The following GNAI2 variants were observed in gnomAD, a reference collection of about 807,000 sequenced individuals.
GNAI2 encodes G protein subunit alpha i2, also known as guanine nucleotide-binding protein G(i) subunit alpha-2.
In GNAI2, 4 loss-of-function variants were observed where a neutral mutation model predicts 36.8. That is an observed-to-expected ratio of 0.11 (90% CI 0.05 to 0.25). GNAI2 has a LOEUF of 0.25. GNAI2 is among the 10% of genes least tolerant of loss of function. The pLI, the probability that GNAI2 is intolerant of heterozygous loss-of-function variation, is 1.00. For synonymous variants in GNAI2, 194 were observed against 194.1 expected (o/e 1.00, Z 0.01); for missense variants, 230 against 481.3 (o/e 0.48, Z 4.89).
At chr3:50,239,328 T>C (rs1157579831) in intron 1 of GNAI2, among the ~76,000 whole-genome samples, 1 of 152,206 alleles carries the variant, frequency 6.6e-6, no homozygotes, top group Non-Finnish European at 1.5e-5. Context: ...CCCTACTTGA[T>C]TGTTCTTTAA....
chr3:50,227,274 A>T (rs41305602), upstream of GNAI2: 10,228 of 735,334 alleles, frequency 0.014, 127 homozygotes, highest in Non-Finnish European at 0.014. The surrounding 1 kb of genome is among the most constrained non-coding windows in gnomAD (Gnocchi z 5.9). Flanking sequence ...GGTGCCACAG[A>T]GGGCTAGTTG....
chr3:50,236,545 A>G lies in GNAI2; in HGVS notation c.118+92A>G. On this transcript the variant is annotated intron_variant, in intron 1 of 8. Transcript: ENST00000313601. The surrounding 1 kb of genome is among the most constrained non-coding windows in gnomAD (Gnocchi z 4.0). ...TCCCAGACTAGGGCTTCAAACTCCC[A>G]GACCCGGGCTGTCTGGGACCCCACA... 6.8e-7 allele frequency: 1 copy of G among 1,481,340 alleles called. No homozygotes were observed. Among genetic ancestry groups the G allele is most frequent in the South Asian group, 1.3e-5 (1 of 74,612 alleles). 91.8% of individuals were successfully genotyped at this position (1,481,340 alleles called of 1,614,324 possible). A position where few individuals can be genotyped will look rare whatever the true frequency, so the allele number is the denominator to read the frequency against.
At chr3:50,234,826 T>G (rs1700131792), upstream of GNAI2, among the ~76,000 whole-genome samples, 1 of 152,138 alleles carries the variant, frequency 6.6e-6, no homozygotes, top group Admixed American at 6.5e-5. Context: ...CCTTCAAATG[T>G]CCAATCGAGG....
intron 4 of GNAI2, among the ~76,000 whole-genome samples, chr3:50,254,044 G>T (rs587736402): frequency 1.3e-5 from 2 of 152,192 alleles, no homozygotes; most frequent in South Asian, 4.1e-4. Context: ...TGACAGGTGT[G>T]TGTGTAGGTC....
chr3:50,231,359 A>C (rs587671676), upstream of GNAI2, among the ~76,000 whole-genome samples: 1 of 152,218 alleles, frequency 6.6e-6, no homozygotes, highest in South Asian at 2.1e-4. Flanking sequence ...GCTCACTGCA[A>C]CCTCTGCCTC....
At chr3:50,245,853 A>G (rs1393341303) in intron 1 of GNAI2, among the ~76,000 whole-genome samples, 1 of 152,252 alleles carries the variant, frequency 6.6e-6, no homozygotes, top group Non-Finnish European at 1.5e-5. Flanking sequence ...ACTTGGCAGT[A>G]GGAAGCCAGG....
chr3:50,236,407 G>T lies in GNAI2; in HGVS notation c.72G>T (p.Arg24=). The change falls in exon 1 of 9, where the codon CGG becomes CGT. Residue 24 remains arginine, a synonymous_variant. Transcript: ENST00000313601. This position sits in a 1 kb window ranked among gnomAD's most constrained non-coding sequence, Gnocchi z 4.0. ...CTAAGATGATCGACAAGAACCTGCG[G>T]GAGGACGGAGAGAAGGCGGCGCGGG... ...ERSKMIDKNL[R]EDGEKAAREV... 6.3e-7 allele frequency: 1 copy of T among 1,579,034 alleles called. No individual in the cohort carries two copies. The highest frequency in any genetic ancestry group is 1.4e-5 in the African/African-American group (1 of 71,714).
chr3:50,227,450 G>T (rs924077192), upstream of GNAI2: 2 of 326,746 alleles, frequency 6.1e-6, no homozygotes, highest in Non-Finnish European at 1.1e-5. The surrounding 1 kb of genome is among the most constrained non-coding windows in gnomAD (Gnocchi z 5.9). Context: ...GCTGGGGCGC[G>T]GGGAGGTGCT....
upstream of GNAI2, chr3:50,227,128 C>G: frequency 1.4e-6 from 2 of 1,416,604 alleles, no homozygotes; most frequent in East Asian, 5.9e-5. This position sits in a 1 kb window ranked among gnomAD's most constrained non-coding sequence, Gnocchi z 5.9. Context: ...CGTCTCATGA[C>G]GGAGGGTGTG....
chr3:50,236,635 A>T lies in GNAI2; in HGVS notation c.118+182A>T, dbSNP rs984171705. ...AGACCTTTGATCCTGCCCAGACTCT[A>T]GACCAGACCCCTGTCTCATCCCAGA... On this transcript the variant is annotated intron_variant, in intron 1 of 8. Transcript: ENST00000313601. This position sits in a 1 kb window ranked among gnomAD's most constrained non-coding sequence, Gnocchi z 4.0. 6.6e-6 allele frequency among the ~76,000 whole-genome samples: 1 copy of T among 152,028 alleles called. No homozygotes were observed. Among genetic ancestry groups the T allele is most frequent in the Non-Finnish European group, 1.5e-5 (1 of 67,994 alleles).
In GNAI2 at chr3:50,255,912, G is replaced by A. The variant is rs1370447308; in HGVS notation, c.465-280G>A. ...CTAAAAATACAAAAATTAGCTGGGCGGCAGGCGCCTGTAGTCCCAGCTACT... is the reference window on the plus strand; with the variant it reads ...CTAAAAATACAAAAATTAGCTGGGCAGCAGGCGCCTGTAGTCCCAGCTACT... On this transcript the variant is annotated intron_variant, in intron 4 of 8. Coordinates refer to ENST00000313601, the MANE Select transcript of GNAI2 (RefSeq NM_002070.4). The surrounding 1 kb of genome is among the most constrained non-coding windows in gnomAD (Gnocchi z 4.0). 2.0e-5 allele frequency among the ~76,000 whole-genome samples: 3 copies of A among 151,778 alleles called. No homozygotes were observed. Among genetic ancestry groups the A allele is most frequent in the Admixed American group, 1.3e-4 (2 of 15,250 alleles).
intron 1 of GNAI2, among the ~76,000 whole-genome samples, chr3:50,237,255 G>A (rs782236990): frequency 6.6e-6 from 1 of 152,250 alleles, no homozygotes; most frequent in Non-Finnish European, 1.5e-5. Context: ...GGGCTGGATT[G>A]AGGCTCCACT....
chr3:50,228,452 T>C (rs587748042), upstream of GNAI2, among the ~76,000 whole-genome samples: 340 of 150,174 alleles, frequency 2.3e-3, no homozygotes, highest in Non-Finnish European at 2.9e-3. Flanking sequence ...ACTCAGAGGC[T>C]GAGGCAGGGG....
At position 50,259,083 on chromosome 3, in the gene GNAI2, T is replaced by C; in HGVS notation, c.*740T>C. The C allele has an allele frequency of 2.7e-6, 1 of 370,950 alleles. No individual in the cohort carries two copies. The highest frequency in any genetic ancestry group is 5.2e-6 in the Non-Finnish European group (1 of 193,420). The allele number at this position is 370,950 out of a possible 1,614,324, so 23.0% of individuals were successfully genotyped here. ...TGCGAGCGGCACCCCTGCCCTGCCC[T>C]CCACAGAATTGGGTTCCAAGGGCTG... is the stretch of plus-strand genomic sequence containing the variant. On this transcript the variant is annotated 3_prime_UTR_variant, in exon 9 of 9. Transcript: ENST00000313601.
Position 50,253,209 on chromosome 3 carries a change from G to C in GNAI2, c.464+25G>C, listed in dbSNP as rs782711216. 6.3e-7 allele frequency: 1 copy of C among 1,583,434 alleles called. No individual in the cohort carries two copies. Among genetic ancestry groups the C allele is most frequent in the Admixed American group, 1.7e-5 (1 of 59,450 alleles). On this transcript the variant is annotated intron_variant, in intron 4 of 8. Transcript: ENST00000313601. The surrounding 1 kb of genome is among the most constrained non-coding windows in gnomAD (Gnocchi z 4.2). The stretch of plus-strand genomic sequence containing the variant: ...AGTGAGTGCTCTGAGGGGCTGGGCA[G>C]GGCAGGGCAGGGGCTGGGGGAGGAC...
intron 1 of GNAI2, among the ~76,000 whole-genome samples, chr3:50,250,684 C>T (rs1247665328): frequency 9.2e-5 from 14 of 152,168 alleles, no homozygotes; most frequent in African/African-American, 2.9e-4. Flanking sequence ...CTCCCTCTGG[C>T]CCCCAGCCAG....
chr3:50,243,606 T>C (rs1310099543), intron 1 of GNAI2, among the ~76,000 whole-genome samples: 1 of 152,262 alleles, frequency 6.6e-6, no homozygotes, highest in Non-Finnish European at 1.5e-5. Flanking sequence ...TGTCTCTGAT[T>C]GAGCCTTGAC....
At position 50,257,208 on chromosome 3, in the gene GNAI2, G is replaced by A. The variant is rs1553703379; in HGVS notation, c.877+118G>A. 7.2e-6 allele frequency: 6 copies of A among 837,482 alleles called. 1 individual carries two copies. In the Middle Eastern group the frequency reaches 9.3e-4, roughly 130 times the overall value. 51.9% of individuals were successfully genotyped at this position (837,482 alleles called of 1,614,324 possible). A position where few individuals can be genotyped will look rare whatever the true frequency, so the allele number is the denominator to read the frequency against. On this transcript the variant is annotated intron_variant, in intron 7 of 8. Transcript: ENST00000313601. ...GACAGAAGTGTAACCTTGGAACACT[G>A]GCAGGGGCTGGTGCCTCACTTAGGC...
At chr3:50,232,821 G>A (rs898430095), upstream of GNAI2, among the ~76,000 whole-genome samples, 11 of 151,924 alleles carry the variant, frequency 7.2e-5, no homozygotes, top group Non-Finnish European at 1.6e-4. Flanking sequence ...GATTGGAGGG[G>A]AAATTGAGGT....
Sources: gnomAD v4.1 joint callset for allele counts (sites outside exome capture counted in the v4.1 genomes callset) on GRCh38, gnomAD v4.1.1 for gene constraint, Gnocchi (gnomAD v3.1) non-coding constraint, MANE v1.5 for transcripts, NCBI Gene and HGNC (gene_info 2026-07-23, HGNC 2026-07-21) for gene names.